The following GRIA2 variants were observed in gnomAD, a reference collection of about 807,000 sequenced individuals.
GRIA2 encodes glutamate receptor 2.
GRIA2 carries 14 observed loss-of-function variants against 97.3 expected under a neutral mutation model. The ratio of observed to expected loss-of-function variants is 0.14; its 90% CI spans 0.10 to 0.23. GRIA2 has a LOEUF of 0.23. Among genes scored for constraint, GRIA2 ranks in the 10% least tolerant of loss-of-function variants. GRIA2 has a pLI of 1.00. For missense variants in GRIA2, 558 were observed against 1,069.8 expected (o/e 0.52, Z 6.67); for synonymous variants, 412 against 387.8 (o/e 1.06, Z -0.73).
In GRIA2 at chr4:157,362,804, G is replaced by T. The variant is rs1560784942; in HGVS notation, c.2412G>T (p.Lys804Asn). 1 of 1,611,596 alleles carries T rather than the reference G, an allele frequency of 6.2e-7. No individual in the cohort carries two copies. The highest frequency in any genetic ancestry group is 1.7e-5 in the Admixed American group (1 of 59,722). Reference sequence around the variant, plus strand: ...TTCTCATATACATTCTTTAGGAAAAGACCAGTGCCCTCAGTCTGAGCAACG... The same window carrying T: ...TTCTCATATACATTCTTTAGGAAAATACCAGTGCCCTCAGTCTGAGCAACG... ...CGSGGGDSKE[K>N]TSALSLSNVA... The change falls in exon 15 of 16, where the codon AAG becomes AAT. Residue 804 changes from lysine (K) to asparagine (N), a missense_variant. This residue lies in a region of GRIA2 where 0 missense variants were observed against 25.1 expected (regional missense o/e 0.00). Coordinates refer to ENST00000264426, the MANE Select transcript of GRIA2 (RefSeq NM_001083619.3).
chr4:157,294,534 A>T (rs544264960), intron 2 of GRIA2, among the ~76,000 whole-genome samples: 2 of 152,274 alleles, frequency 1.3e-5, no homozygotes, highest in Admixed American at 1.3e-4. Flanking sequence ...ACAAAGAGGA[A>T]GAAATATAAA....
At chr4:157,350,047 C>T (rs1735940851) in intron 12 of GRIA2, among the ~76,000 whole-genome samples, 1 of 152,066 alleles carries the variant, frequency 6.6e-6, no homozygotes, top group Non-Finnish European at 1.5e-5. Context: ...CGTTAAGAGT[C>T]ACTATTTTTA....
chr4:157,238,455 T>A (rs564460574), intron 2 of GRIA2, among the ~76,000 whole-genome samples: 1 of 152,276 alleles, frequency 6.6e-6, no homozygotes, highest in Non-Finnish European at 1.5e-5. Flanking sequence ...ATCTTTTGTT[T>A]AATCTGCAAG....
chr4:157,281,611 T>C (rs1169689624), intron 2 of GRIA2, among the ~76,000 whole-genome samples: 1 of 152,138 alleles, frequency 6.6e-6, no homozygotes, highest in Non-Finnish European at 1.5e-5. Flanking sequence ...TTGTAAATAT[T>C]ATTTTGTAAT....
intron 2 of GRIA2, among the ~76,000 whole-genome samples, chr4:157,295,037 T>A (rs1036466369): frequency 6.6e-6 from 1 of 152,160 alleles, no homozygotes; most frequent in Non-Finnish European, 1.5e-5. Context: ...CCAGAACCCA[T>A]CATTAAAATT....
rs1425594429 is a variant in GRIA2 at position 157,365,213 on chromosome 4, C to T, written c.*1782C>T. The T allele has an allele frequency of 6.6e-6, 1 of 151,588 alleles. No homozygotes were observed. The highest frequency in any genetic ancestry group is 2.4e-5 in the African/African-American group (1 of 41,348). 9.4% of individuals were successfully genotyped at this position (151,588 alleles called of 1,614,324 possible). A position where few individuals can be genotyped will look rare whatever the true frequency, so the allele number is the denominator to read the frequency against. ...CATTGAACATGGAGGCATGTGGTAT[C>T]ATGATATTCTTCACTAAATTTAGCT... On this transcript the variant is annotated 3_prime_UTR_variant, in exon 16 of 16. Transcript: ENST00000264426.
intron 7 of GRIA2, 73 bp from the exon 8 acceptor site, chr4:157,333,176 A>G: frequency 1.0e-6 from 1 of 964,804 alleles, no homozygotes; most frequent in Non-Finnish European, 1.6e-6. Flanking sequence ...CATCTGGTTA[A>G]AGTAATCTGT....
At chr4:157,338,008 G>GTATATATATA (rs70958818) in intron 11 of GRIA2, among the ~76,000 whole-genome samples, 13 of 79,286 alleles carry the variant, frequency 1.6e-4, no homozygotes, top group Non-Finnish European at 2.6e-4. Context: ...ATATATATGT[G>GTATATATATA]TATATATATA....
At chr4:157,289,536 C>T (rs1348375467) in intron 2 of GRIA2, among the ~76,000 whole-genome samples, 1 of 151,770 alleles carries the variant, frequency 6.6e-6, no homozygotes, top group Non-Finnish European at 1.5e-5. Context: ...ATTCAAGATT[C>T]TTAAGAAGTC....
chr4:157,221,474 G>A, intron 1 of GRIA2, 193 bp from the exon 2 acceptor site: 2 of 607,468 alleles, frequency 3.3e-6, no homozygotes, highest in Admixed American at 3.1e-5. Flanking sequence ...CTCGCCTTCA[G>A]ACTCTCATCT....
chr4:157,341,487 C>A (rs775663550), intron 12 of GRIA2, 25 bp downstream of exon 12: 1 of 1,488,680 alleles, frequency 6.7e-7, no homozygotes, highest in South Asian at 1.1e-5. Context: ...TTTGTAGTTT[C>A]TGATTTTGTT....
chr4:157,283,173 T>G (rs1732685801), intron 2 of GRIA2, among the ~76,000 whole-genome samples: 1 of 152,024 alleles, frequency 6.6e-6, no homozygotes, highest in South Asian at 2.1e-4. Context: ...TCCCTCAAGT[T>G]ACACTGTAAG....
chr4:157,244,134 C>T (rs769082464), intron 2 of GRIA2, among the ~76,000 whole-genome samples: 2 of 151,602 alleles, frequency 1.3e-5, no homozygotes, highest in Non-Finnish European at 2.9e-5. Context: ...AAAGAGCATC[C>T]CTGGTAGAGG....
intron 2 of GRIA2, among the ~76,000 whole-genome samples, chr4:157,287,080 G>C (rs1200514746): frequency 6.6e-6 from 1 of 151,534 alleles, no homozygotes; most frequent in Non-Finnish European, 1.5e-5. Flanking sequence ...GTCTGGTGTT[G>C]TCTATTTCTT....
At chr4:157,340,562 TTTTC>T (rs1231201815) in intron 11 of GRIA2, among the ~76,000 whole-genome samples, 1 of 151,928 alleles carries the variant, frequency 6.6e-6, no homozygotes, top group Non-Finnish European at 1.5e-5. Context: ...GTCTAATTTG[TTTTC>T]TTTGAGTTTT....
intron 2 of GRIA2, among the ~76,000 whole-genome samples, chr4:157,230,982 T>A (rs1287937901): frequency 6.6e-6 from 1 of 152,118 alleles, no homozygotes; most frequent in Non-Finnish European, 1.5e-5. Flanking sequence ...GCCTCCCAAG[T>A]AGCTGGGACT....
intron 6 of GRIA2, among the ~76,000 whole-genome samples, chr4:157,325,359 G>C (rs567884565): frequency 6.6e-6 from 1 of 152,212 alleles, no homozygotes; most frequent in South Asian, 2.1e-4. Context: ...TTTTAGGTCT[G>C]ATTCCCTTTT....
At chr4:157,223,064 G>C (rs1316865931) in intron 2 of GRIA2, among the ~76,000 whole-genome samples, 2 of 152,186 alleles carry the variant, frequency 1.3e-5, no homozygotes, top group Non-Finnish European at 2.9e-5. Context: ...TACAGAGCTT[G>C]GGGAAAATTA....
intron 2 of GRIA2, among the ~76,000 whole-genome samples, chr4:157,253,015 C>T (rs1731082283): frequency 6.6e-6 from 1 of 151,756 alleles, no homozygotes; most frequent in African/African-American, 2.4e-5. Flanking sequence ...TTGGGGGGAC[C>T]ATGTAGTTAT....
Sources: gnomAD v4.1 joint callset for allele counts (sites outside exome capture counted in the v4.1 genomes callset) on GRCh38, gnomAD v4.1.1 for gene constraint, gnomAD v4.1.1 regional missense constraint, MANE v1.5 for transcripts, NCBI Gene and HGNC (gene_info 2026-07-23, HGNC 2026-07-21) for gene names.